The following NAALADL2 variants were observed in gnomAD, a reference collection of about 807,000 sequenced individuals.
NAALADL2 encodes inactive N-acetylated-alpha-linked acidic dipeptidase-like protein 2.
In NAALADL2, 76 loss-of-function variants were observed where a neutral mutation model predicts 87.2. That is an observed-to-expected ratio of 0.87 (90% CI 0.72 to 1.05). The LOEUF is 1.05. Among genes scored for constraint, NAALADL2 ranks in the 50% least tolerant of loss-of-function variants. The probability of loss-of-function intolerance (pLI) is 0.00; values close to 1 mark genes in which losing one functional copy is unlikely to be tolerated. For synonymous variants in NAALADL2, 354 were observed against 331.0 expected, an observed-to-expected ratio of 1.07 and a Z score of -0.75; for missense variants, 1,089 against 945.8, an observed-to-expected ratio of 1.15 and a Z score of -1.99.
intron 11 of NAALADL2, among the ~76,000 whole-genome samples, chr3:175,704,304 G>C (rs1382523242): frequency 6.6e-6 from 1 of 152,086 alleles, no homozygotes; most frequent in Non-Finnish European, 1.5e-5. Flanking sequence ...CAGTACAAAC[G>C]TGGAAAGCCC....
At chr3:175,195,347 A>C (rs943351020) in intron 2 of NAALADL2, among the ~76,000 whole-genome samples, 1 of 151,880 alleles carries the variant, frequency 6.6e-6, no homozygotes, top group African/African-American at 2.4e-5. Flanking sequence ...TCAATGAGTT[A>C]ATATATCATA....
At chr3:174,559,781 CT>C (rs1441413020) in intron 2 of NAALADL2, among the ~76,000 whole-genome samples, 1 of 152,122 alleles carries the variant, frequency 6.6e-6, no homozygotes, top group African/African-American at 2.4e-5. Context: ...GGGCTCCACC[CT>C]TATGTCCTAA....
chr3:174,528,117 A>T (rs1720929418), intron 1 of NAALADL2, among the ~76,000 whole-genome samples: 1 of 152,172 alleles, frequency 6.6e-6, no homozygotes. Context: ...AAAGCTTGTG[A>T]ATCTAAATTC....
intron 5 of NAALADL2, among the ~76,000 whole-genome samples, chr3:175,353,912 T>G (rs1764058967): frequency 6.6e-6 from 1 of 152,200 alleles, no homozygotes; most frequent in African/African-American, 2.4e-5. Flanking sequence ...TTCTGTCACT[T>G]GAAATTACCC....
chr3:174,953,612 A>AT lies in NAALADL2; in HGVS notation c.43+94163dup, dbSNP rs1740735844. ...GTAGGTAGAGTGGGAGGATGCAGCCATGAATATATACACAGATAGTTGATG... is the reference window on the plus strand; with the variant it reads ...GTAGGTAGAGTGGGAGGATGCAGCCATTGAATATATACACAGATAGTTGATG... On this transcript the variant is annotated intron_variant, in intron 1 of 13. Coordinates refer to ENST00000454872, the MANE Select transcript of NAALADL2 (RefSeq NM_207015.3). 2.6e-5 allele frequency among the ~76,000 whole-genome samples: 4 copies of AT among 152,028 alleles called. No individual in the cohort carries two copies. In the South Asian group the frequency reaches 8.3e-4, roughly 32 times the overall value.
At chr3:175,164,805 A>G (rs1257257600) in intron 2 of NAALADL2, among the ~76,000 whole-genome samples, 1 of 152,188 alleles carries the variant, frequency 6.6e-6, no homozygotes, top group Non-Finnish European at 1.5e-5. Flanking sequence ...TGAAAACCAC[A>G]ATAAGCATTC....
chr3:175,430,803 G>C (rs1717621648), intron 5 of NAALADL2, among the ~76,000 whole-genome samples: 1 of 152,024 alleles, frequency 6.6e-6, no homozygotes, highest in Admixed American at 6.6e-5. Flanking sequence ...TTAGACTATT[G>C]AGTCTTTATA....
intron 9 of NAALADL2, among the ~76,000 whole-genome samples, chr3:175,495,665 C>G (rs922238948): frequency 6.6e-6 from 1 of 152,064 alleles, no homozygotes; most frequent in African/African-American, 2.4e-5. Flanking sequence ...TCGTCATTTC[C>G]TTACCCCAGA....
chr3:175,636,118 A>T (rs1445894073), intron 11 of NAALADL2, among the ~76,000 whole-genome samples: 1 of 151,998 alleles, frequency 6.6e-6, no homozygotes, highest in African/African-American at 2.4e-5. Flanking sequence ...CACATATATG[A>T]TATGGGCTAA....
intron 3 of NAALADL2, among the ~76,000 whole-genome samples, chr3:174,843,168 C>A (rs1724214391): frequency 6.6e-6 from 1 of 152,102 alleles, no homozygotes; most frequent in Non-Finnish European, 1.5e-5. Context: ...TGTTAACCAT[C>A]ATCACCCTAC....
intron 3 of NAALADL2, among the ~76,000 whole-genome samples, chr3:174,824,079 A>G (rs1313168053): frequency 6.6e-6 from 1 of 152,186 alleles, no homozygotes; most frequent in Non-Finnish European, 1.5e-5. Flanking sequence ...ATGCTAACTT[A>G]AATGTGTATT....
chr3:174,585,099 G>A (rs1267117485), intron 2 of NAALADL2, among the ~76,000 whole-genome samples: 1 of 152,120 alleles, frequency 6.6e-6, no homozygotes, highest in Non-Finnish European at 1.5e-5. Context: ...CTGTTACTCA[G>A]TTGCAGTTAC....
intron 1 of NAALADL2, among the ~76,000 whole-genome samples, chr3:175,023,153 G>A (rs1412709375): frequency 6.6e-6 from 1 of 152,044 alleles, no homozygotes; most frequent in African/African-American, 2.4e-5. Context: ...GACCACTCTG[G>A]ACACTAGGGA....
intron 9 of NAALADL2, among the ~76,000 whole-genome samples, chr3:175,520,955 T>C (rs1306709413): frequency 2.6e-5 from 4 of 152,154 alleles, no homozygotes; most frequent in Non-Finnish European, 4.4e-5. Context: ...ATCTAAAATT[T>C]CGTGTTCTGT....
chr3:174,723,211 C>G (rs1195643543), intron 2 of NAALADL2, among the ~76,000 whole-genome samples: 1 of 152,064 alleles, frequency 6.6e-6, no homozygotes, highest in Non-Finnish European at 1.5e-5. Flanking sequence ...TAAGTTAATT[C>G]ACCTTTCTGA....
chr3:175,643,343 T>C (rs1729552155), intron 11 of NAALADL2, among the ~76,000 whole-genome samples: 1 of 152,230 alleles, frequency 6.6e-6, no homozygotes, highest in Admixed American at 6.5e-5. Context: ...GGTACAAAAG[T>C]TTCTCTAGGA....
chr3:174,642,853 A>C (rs1422128593), intron 2 of NAALADL2, among the ~76,000 whole-genome samples: 1 of 149,552 alleles, frequency 6.7e-6, no homozygotes, highest in Admixed American at 6.7e-5. Context: ...TGCAATCACA[A>C]CTCACTGCAG....
intron 2 of NAALADL2, among the ~76,000 whole-genome samples, chr3:174,653,454 C>A (rs753408945): frequency 6.6e-6 from 1 of 152,060 alleles, no homozygotes; most frequent in Non-Finnish European, 1.5e-5. Flanking sequence ...GGAATAAATG[C>A]AAAGATTTCT....
chr3:174,690,356 C>T (rs1264652435), intron 2 of NAALADL2, among the ~76,000 whole-genome samples: 1 of 152,078 alleles, frequency 6.6e-6, no homozygotes, highest in Non-Finnish European at 1.5e-5. Flanking sequence ...ATTTTATCAA[C>T]ATTTTAAAAG....
Sources: allele counts gnomAD v4.1 joint callset (sites outside exome capture counted in the v4.1 genomes callset), GRCh38; gene constraint gnomAD v4.1.1; transcripts MANE v1.5; gene names NCBI Gene and HGNC (gene_info 2026-07-23, HGNC 2026-07-21).